Variants in FHIT observed in about 807,000 individuals in gnomAD.
FHIT encodes bis(5'-adenosyl)-triphosphatase.
In FHIT, 19 loss-of-function variants were observed where a neutral mutation model predicts 17.9. The observed-to-expected ratio is 1.06, with a 90% CI of 0.74 to 1.56. The LOEUF is 1.56. FHIT is among the 40% of genes most tolerant of loss of function. The pLI is 0.00. For synonymous variants in FHIT, 81 were observed against 69.7 expected, an observed-to-expected ratio of 1.16 and a Z score of -0.81; for missense variants, 248 against 189.2, an observed-to-expected ratio of 1.31 and a Z score of -1.82.
chr3:61,128,307 C>A (rs1445895240), intron 2 of FHIT, among the ~76,000 whole-genome samples: 1 of 152,132 alleles, frequency 6.6e-6, no homozygotes, highest in African/African-American at 2.4e-5. Context: ...ATTGTAGGAC[C>A]AGGCATATTA....
At chr3:60,501,307 T>C (rs1374677427) in intron 5 of FHIT, among the ~76,000 whole-genome samples, 1 of 152,162 alleles carries the variant, frequency 6.6e-6, no homozygotes, top group Non-Finnish European at 1.5e-5. Context: ...TTATTTGAGT[T>C]ACAAAGATAC....
chr3:60,395,270 G>A (rs2107169714), intron 5 of FHIT, among the ~76,000 whole-genome samples: 1 of 152,240 alleles, frequency 6.6e-6, no homozygotes, highest in South Asian at 2.1e-4. Flanking sequence ...CCACTGCCTG[G>A]ACACTTTCTA....
At chr3:59,754,863 A>T (rs1701124935) in intron 8 of FHIT, among the ~76,000 whole-genome samples, 1 of 152,142 alleles carries the variant, frequency 6.6e-6, no homozygotes, top group Non-Finnish European at 1.5e-5. Context: ...AAAGCCCCAG[A>T]TGGAAGCATG....
intron 5 of FHIT, among the ~76,000 whole-genome samples, chr3:60,147,881 G>C (rs1228114346): frequency 6.6e-6 from 1 of 152,122 alleles, no homozygotes; most frequent in Non-Finnish European, 1.5e-5. Flanking sequence ...CTTTCACCAT[G>C]GGACTCAAGT....
intron 2 of FHIT, among the ~76,000 whole-genome samples, chr3:61,097,611 C>G (rs2035682794): frequency 6.6e-6 from 1 of 152,060 alleles, no homozygotes; most frequent in Admixed American, 6.5e-5. Context: ...TGACCAGCAT[C>G]TGCTACTTTT....
At chr3:61,202,908 C>T (rs559591800) in intron 1 of FHIT, among the ~76,000 whole-genome samples, 33 of 152,096 alleles carry the variant, frequency 2.2e-4, no homozygotes, top group South Asian at 2.1e-3. Context: ...AGGCCGGGCG[C>T]GGTGGCTCAC....
intron 4 of FHIT, among the ~76,000 whole-genome samples, chr3:60,795,306 G>T (rs535418722): frequency 6.6e-6 from 1 of 152,136 alleles, no homozygotes; most frequent in African/African-American, 2.4e-5. Flanking sequence ...AAAGACCTGT[G>T]GCTTTTTAAG....
At chr3:60,840,011 A>G (rs1702666702) in intron 3 of FHIT, among the ~76,000 whole-genome samples, 1 of 151,914 alleles carries the variant, frequency 6.6e-6, no homozygotes, top group Non-Finnish European at 1.5e-5. Flanking sequence ...TCTTATTTAG[A>G]CCCGGTGGCG....
chr3:60,555,236 CG>C (rs35892825), intron 4 of FHIT, among the ~76,000 whole-genome samples: 13,033 of 152,166 alleles, frequency 0.086, 1,209 homozygotes, highest in African/African-American at 0.22. Flanking sequence ...CAGAAGATGT[CG>C]GTTAAAGGAA....
chr3:60,510,486 C>T (rs1180684395), intron 5 of FHIT, among the ~76,000 whole-genome samples: 1 of 152,070 alleles, frequency 6.6e-6, no homozygotes, highest in Non-Finnish European at 1.5e-5. Context: ...GTATAATGGA[C>T]CTATTTGGCC....
intron 4 of FHIT, among the ~76,000 whole-genome samples, chr3:60,787,507 A>C (rs1347329681): frequency 1.3e-5 from 2 of 152,246 alleles, no homozygotes; most frequent in African/African-American, 4.8e-5. Flanking sequence ...GTCCAGTGTC[A>C]GTATGCAAGC....
At chr3:60,767,463 G>T (rs1553721803) in intron 4 of FHIT, among the ~76,000 whole-genome samples, 1 of 152,198 alleles carries the variant, frequency 6.6e-6, no homozygotes, top group Non-Finnish European at 1.5e-5. Context: ...CAGAGAATTT[G>T]TTAATTTGTC....
intron 4 of FHIT, among the ~76,000 whole-genome samples, chr3:60,651,055 A>G (rs1553688155): frequency 1.3e-5 from 2 of 152,134 alleles, no homozygotes; most frequent in Non-Finnish European, 2.9e-5. Flanking sequence ...AAAACTATTT[A>G]TAAACATTAT....
chr3:61,027,643 AAC>A (rs1205213273), intron 3 of FHIT, among the ~76,000 whole-genome samples: 1 of 151,958 alleles, frequency 6.6e-6, no homozygotes, highest in South Asian at 2.1e-4. Context: ...TATTCTGAAT[AAC>A]ACACACACAC....
intron 2 of FHIT, among the ~76,000 whole-genome samples, chr3:61,157,489 G>C (rs558324263): frequency 6.6e-6 from 1 of 152,262 alleles, no homozygotes; most frequent in Admixed American, 6.5e-5. Context: ...TGTAGCAAAG[G>C]AGAAAGTACC....
chr3:60,701,202 C>T (rs1184549691), intron 4 of FHIT, among the ~76,000 whole-genome samples: 1 of 150,270 alleles, frequency 6.7e-6, no homozygotes, highest in Non-Finnish European at 1.5e-5. Context: ...CGGCTCACTG[C>T]AGCCTCGACT....
chr3:61,028,777 T>C (rs1414708591), intron 3 of FHIT, among the ~76,000 whole-genome samples: 1 of 151,980 alleles, frequency 6.6e-6, no homozygotes, highest in African/African-American at 2.4e-5. Flanking sequence ...ACTACTGTGA[T>C]GGTTGTTGAT....
chr3:60,490,178 T>C (rs1317225559), intron 5 of FHIT, among the ~76,000 whole-genome samples: 2 of 152,144 alleles, frequency 1.3e-5, no homozygotes, highest in African/African-American at 4.8e-5. Context: ...GCCACAAACA[T>C]GGTTTAATCT....
At chr3:59,781,576 G>A (rs1702584383) in intron 8 of FHIT, among the ~76,000 whole-genome samples, 1 of 152,166 alleles carries the variant, frequency 6.6e-6, no homozygotes, top group Non-Finnish European at 1.5e-5. Flanking sequence ...TTCAAAGAAA[G>A]GATAATCCCT....
Sources: gnomAD v4.1 joint callset for allele counts (sites outside exome capture counted in the v4.1 genomes callset) on GRCh38, gnomAD v4.1.1 for gene constraint, MANE v1.5 for transcripts, NCBI Gene and HGNC (gene_info 2026-07-23, HGNC 2026-07-21) for gene names.